Variants in DCDC1 observed in about 807,000 individuals in gnomAD.
DCDC1 encodes the protein doublecortin domain containing 1.
Under a neutral mutation model 178.3 loss-of-function variants are expected in DCDC1, and 200 were observed. The observed-to-expected ratio is 1.12, with a 90% CI of 1.00 to 1.26. DCDC1 has a LOEUF of 1.26. Ranked by LOEUF, DCDC1 falls within the 50% of genes most tolerant of loss-of-function variation. DCDC1 has a pLI of 0.00. For synonymous variants in DCDC1, 690 were observed against 604.8 expected (o/e 1.14, Z -2.07); for missense variants, 1,983 against 1,749.2 (o/e 1.13, Z -2.38).
rs781524276 is a variant in DCDC1 at position 31,290,705 on chromosome 11, T to C, written c.902A>G (p.Lys301Arg). The change falls in exon 7 of 39, where the codon AAG becomes AGG. Residue 301 changes from lysine to arginine, a missense_variant. Lys to Arg is a conservative substitution (Grantham distance 26). Transcript: ENST00000684477. The stretch of plus-strand genomic sequence containing the variant: ...ATGCCCATCCTGCCCCATGCCATTC[T>C]TAAAGAACAGAATTCGGACTGAGGT... ...ERTSVRILFF[K>R]NGMGQDGHEI... 15 of 1,613,404 alleles carry C rather than the reference T, an allele frequency of 9.3e-6. No individual in the cohort carries two copies. Among genetic ancestry groups the C allele is most frequent in the Non-Finnish European group, 1.3e-5 (15 of 1,179,572 alleles).
intron 20 of DCDC1, among the ~76,000 whole-genome samples, chr11:31,009,434 TTC>T (rs1371097860): frequency 7.7e-6 from 1 of 130,014 alleles, no homozygotes; most frequent in Admixed American, 8.5e-5. Flanking sequence ...GTCTCACAGT[TTC>T]TTTGTGTGTG....
intron 34 of DCDC1, among the ~76,000 whole-genome samples, chr11:30,895,425 G>A (rs759195010): frequency 1.3e-5 from 2 of 152,044 alleles, no homozygotes; most frequent in African/African-American, 4.8e-5. Flanking sequence ...GTAACACTTA[G>A]GTTCATAAAA....
At chr11:31,307,568 CATT>C in intron 4 of DCDC1, 68 bp downstream of exon 4, 1 of 1,553,778 alleles carries the variant, frequency 6.4e-7, no homozygotes, top group Non-Finnish European at 8.7e-7. Context: ...TCAATTGAAA[CATT>C]ATAAACTCTG....
intron 20 of DCDC1, among the ~76,000 whole-genome samples, chr11:31,030,635 C>T (rs1389724368): frequency 6.6e-6 from 1 of 152,116 alleles, no homozygotes; most frequent in Non-Finnish European, 1.5e-5. Context: ...GCATATGTGC[C>T]GCCAAGCCCA....
chr11:31,267,193 A>T (rs532894203), intron 7 of DCDC1, among the ~76,000 whole-genome samples: 2 of 147,640 alleles, frequency 1.4e-5, no homozygotes, highest in South Asian at 2.1e-4. Context: ...TGTTATAGGA[A>T]TTTTTTTTTT....
At chr11:31,228,906 G>T (rs146555708) in intron 9 of DCDC1, among the ~76,000 whole-genome samples, 1 of 151,986 alleles carries the variant, frequency 6.6e-6, no homozygotes, top group Non-Finnish European at 1.5e-5. Context: ...ACTGGAAGGG[G>T]GAAAGAGAGA....
At position 30,974,393 on chromosome 11, in the gene DCDC1, T is replaced by C. The variant is rs60712109; in HGVS notation, c.2592-21825A>G. Among the ~76,000 whole-genome samples, 1,419 of 150,142 alleles carry C rather than the reference T, an allele frequency of 9.5e-3. 19 individuals are homozygous for C. The highest frequency in any genetic ancestry group is 0.032 in the African/African-American group (1,316 of 40,916). On this transcript the variant is annotated intron_variant, in intron 20 of 38. Coordinates refer to ENST00000684477, the MANE Select transcript of DCDC1 (RefSeq NM_001387274.1). ...GAAATAATATCAGAGCAGAAATAAA[T>C]GAAATACACACATAAAGGATAATAA...
At chr11:30,950,554 C>G (rs1030165571) in intron 21 of DCDC1, among the ~76,000 whole-genome samples, 20 of 152,076 alleles carry the variant, frequency 1.3e-4, no homozygotes, top group Non-Finnish European at 2.4e-4. Flanking sequence ...TGCAACAACA[C>G]ACATGGAACT....
chr11:30,917,070 T>A, intron 25 of DCDC1, 42 bp from the exon 26 acceptor site: 1 of 1,547,178 alleles, frequency 6.5e-7, no homozygotes, highest in Non-Finnish European at 8.7e-7. Context: ...AGAAATCTCA[T>A]TCGTGTTCAC....
intron 20 of DCDC1, among the ~76,000 whole-genome samples, chr11:30,986,106 A>T (rs926144162): frequency 6.6e-6 from 1 of 151,978 alleles, no homozygotes; most frequent in African/African-American, 2.4e-5. Context: ...GTCATCAGAA[A>T]CCCAAAGCAT....
intron 6 of DCDC1, among the ~76,000 whole-genome samples, chr11:31,294,806 G>T (rs867667190): frequency 2.3e-3 from 58 of 25,746 alleles, no homozygotes; most frequent in Non-Finnish European, 3.3e-3. Context: ...GAAAAAGAAA[G>T]AAAGAAAGAA....
intron 21 of DCDC1, among the ~76,000 whole-genome samples, chr11:30,939,273 C>CG: frequency 6.6e-6 from 1 of 152,138 alleles, no homozygotes; most frequent in East Asian, 1.9e-4. Flanking sequence ...CCAGAGAGAG[C>CG]GGGCCACCTA....
chr11:31,288,057 A>G (rs1946965931), intron 7 of DCDC1, among the ~76,000 whole-genome samples: 2 of 151,998 alleles, frequency 1.3e-5, no homozygotes, highest in African/African-American at 2.4e-5. Context: ...AAAATTAAAC[A>G]TTTTTCATAA....
intron 20 of DCDC1, among the ~76,000 whole-genome samples, chr11:31,012,597 C>G (rs1320179438): frequency 6.7e-6 from 1 of 148,876 alleles, no homozygotes; most frequent in Admixed American, 6.7e-5. Context: ...ACAGCAAGAC[C>G]CTGTCTCAAC....
At chr11:31,270,688 G>C (rs1158799709) in intron 7 of DCDC1, among the ~76,000 whole-genome samples, 2 of 152,166 alleles carry the variant, frequency 1.3e-5, no homozygotes, top group Admixed American at 6.5e-5. Flanking sequence ...AGTTTGGAAA[G>C]TGGTGTTACA....
intron 11 of DCDC1, among the ~76,000 whole-genome samples, chr11:31,115,298 G>A (rs1365250548): frequency 2.0e-5 from 3 of 152,144 alleles, no homozygotes; most frequent in African/African-American, 7.2e-5. Flanking sequence ...GCCTAGTTCA[G>A]TACTATTATC....
At position 31,335,043 on chromosome 11, in the gene DCDC1, C is replaced by T. The variant is rs149325611; in HGVS notation, c.-7+404G>A. On this transcript the variant is annotated intron_variant, in intron 2 of 38. Coordinates refer to ENST00000684477, the MANE Select transcript of DCDC1 (RefSeq NM_001387274.1). ...AGACACAGCAGGGCTTGCAGAGCTG[C>T]GGAGGGCTCTGCCCCGTTCAAGCTT... Among the ~76,000 whole-genome samples the T allele has an allele frequency of 8.5e-5, 13 of 152,288 alleles. No individual in the cohort carries two copies. In the East Asian group the frequency reaches 1.7e-3, roughly 20 times the overall value.
chr11:31,335,283 C>G (rs940976753), intron 2 of DCDC1, among the ~76,000 whole-genome samples, 164 bp downstream of exon 2: 1 of 152,140 alleles, frequency 6.6e-6, no homozygotes, highest in Admixed American at 6.5e-5. Context: ...GCTGGAGCAC[C>G]CTATTTTTCC....
intron 20 of DCDC1, among the ~76,000 whole-genome samples, chr11:31,052,090 T>C (rs1955294161): frequency 6.6e-6 from 1 of 152,152 alleles, no homozygotes; most frequent in Admixed American, 6.5e-5. Flanking sequence ...CCCTACTATC[T>C]GCTGCCTTCA....
Sources: gnomAD v4.1 joint callset for allele counts (sites outside exome capture counted in the v4.1 genomes callset) on GRCh38, gnomAD v4.1.1 for gene constraint, MANE v1.5 for transcripts, NCBI Gene and HGNC (gene_info 2026-07-23, HGNC 2026-07-21) for gene names.